Variants in DOCK7 observed in about 807,000 individuals in gnomAD.
DOCK7 encodes dedicator of cytokinesis protein 7.
A neutral mutation model predicts 271.0 loss-of-function variants in DOCK7; 138 were observed. The ratio of observed to expected loss-of-function variants is 0.51; its 90% CI spans 0.44 to 0.59. DOCK7 has a LOEUF of 0.59. DOCK7 is among the 20% of genes least tolerant of loss of function. The pLI, the probability that DOCK7 is intolerant of heterozygous loss-of-function variation, is 0.00. For synonymous variants in DOCK7, 823 were observed against 876.1 expected, an observed-to-expected ratio of 0.94 and a Z score of 1.07; for missense variants, 2,066 against 2,592.4, an observed-to-expected ratio of 0.80 and a Z score of 4.41.
intron 35 of DOCK7, 123 bp downstream of exon 35, chr1:62,507,839 C>T (rs1036861628): frequency 9.7e-6 from 8 of 828,570 alleles, no homozygotes; most frequent in South Asian, 5.0e-5. Flanking sequence ...ATGCTTGGAA[C>T]GAAACTTTTA....
At chr1:62,552,350 A>G (rs1645935784) in intron 22 of DOCK7, among the ~76,000 whole-genome samples, 1 of 152,134 alleles carries the variant, frequency 6.6e-6, no homozygotes, top group Non-Finnish European at 1.5e-5. Flanking sequence ...ACTCTTCTGG[A>G]TATTTTTTGG....
intron 31 of DOCK7, among the ~76,000 whole-genome samples, chr1:62,519,172 A>T (rs1426821425): frequency 6.6e-6 from 1 of 152,196 alleles, no homozygotes; most frequent in Non-Finnish European, 1.5e-5. Flanking sequence ...AAAATCTGAC[A>T]GAATGACAAG....
intron 11 of DOCK7, chr1:62,629,477 CA>C (rs1654353247): frequency 6.6e-6 from 1 of 152,062 alleles, no homozygotes; most frequent in African/African-American, 2.4e-5. Flanking sequence ...AAGCTAGCCA[CA>C]AAAGACTACA....
chr1:62,635,522 C>A (rs1209778931), intron 8 of DOCK7: 2 of 137,260 alleles, frequency 1.5e-5, no homozygotes, highest in South Asian at 2.4e-4. Flanking sequence ...GGCAAAAGAG[C>A]AAGACTCAAT....
At chr1:62,634,996 T>G (rs1390220752) in intron 8 of DOCK7, 74 bp from the exon 9 acceptor site, 4 of 959,878 alleles carry the variant, frequency 4.2e-6, no homozygotes, top group Non-Finnish European at 6.0e-6. Context: ...GAAAGCTGCT[T>G]CTGCTACTTA....
At chr1:62,597,885 C>T (rs1391270589) in intron 14 of DOCK7, 4 of 1,575,152 alleles carry the variant, frequency 2.5e-6, no homozygotes, top group Non-Finnish European at 3.4e-6. Context: ...ATATAAACTA[C>T]AAGTCAAAAA....
intron 18 of DOCK7, among the ~76,000 whole-genome samples, chr1:62,569,837 T>C (rs986211288): frequency 6.6e-6 from 1 of 151,380 alleles, no homozygotes; most frequent in African/African-American, 2.4e-5. Flanking sequence ...CCTCAGCCTC[T>C]CTAGTAGCTG....
At chr1:62,465,186 T>C (rs1266818002) in intron 48 of DOCK7, among the ~76,000 whole-genome samples, 1 of 152,240 alleles carries the variant, frequency 6.6e-6, no homozygotes, top group Non-Finnish European at 1.5e-5. Flanking sequence ...TAAAATGCCA[T>C]GTGATGCTAC....
chr1:62,571,521 A>G (rs1004580639), intron 18 of DOCK7, among the ~76,000 whole-genome samples: 5 of 152,186 alleles, frequency 3.3e-5, no homozygotes, highest in African/African-American at 1.2e-4. Context: ...AGAACCAGAA[A>G]TACCATTCGA....
chr1:62,601,190 C>T, intron 14 of DOCK7: 1 of 1,594,020 alleles, frequency 6.3e-7, no homozygotes, highest in South Asian at 1.1e-5. Context: ...AAATGTAAAA[C>T]ATGATGGTAA....
At chr1:62,568,275 C>G (rs1646592834) in intron 18 of DOCK7, among the ~76,000 whole-genome samples, 1 of 151,754 alleles carries the variant, frequency 6.6e-6, no homozygotes, top group African/African-American at 2.4e-5. Context: ...ATTTATAGCA[C>G]TAAAATGCCC....
rs117635159 is a variant in DOCK7, at chr1:62,464,096, G to A, written c.6213-6391C>T. On this transcript the variant is annotated intron_variant, in intron 48 of 49. Transcript: ENST00000635253. ...TTTTTTTGAGCCGGAGTCTCGCTCT[G>A]TCACCCAGTCTGGAGCACAGTGGTG... Among the ~76,000 whole-genome samples the A allele has an allele frequency of 6.0e-3, 916 of 151,990 alleles. 11 individuals are homozygous for A. Among genetic ancestry groups the A allele is most frequent in the East Asian group, 0.046 (234 of 5,112 alleles).
At chr1:62,552,942 A>G in intron 21 of DOCK7, 41 bp from the exon 22 acceptor site, 2 of 1,389,740 alleles carry the variant, frequency 1.4e-6, no homozygotes, top group Admixed American at 2.4e-5. Flanking sequence ...AAAGAAAATT[A>G]GTCAGGAAAG....
chr1:62,456,359 C>A (rs1279113675), intron 49 of DOCK7, among the ~76,000 whole-genome samples: 1 of 152,100 alleles, frequency 6.6e-6, no homozygotes, highest in Non-Finnish European at 1.5e-5. Context: ...TCCTGGAATA[C>A]TCTTAACATA....
intron 22 of DOCK7, among the ~76,000 whole-genome samples, chr1:62,548,487 CT>C (rs1189890184): frequency 1.3e-5 from 2 of 148,956 alleles, no homozygotes; most frequent in African/African-American, 4.9e-5. Context: ...ATGGCGCGAT[CT>C]TGGCTCACCA....
At chr1:62,617,210 AATTG>A (rs1214510806) in intron 14 of DOCK7, among the ~76,000 whole-genome samples, 1 of 151,910 alleles carries the variant, frequency 6.6e-6, no homozygotes, top group African/African-American at 2.4e-5. Flanking sequence ...GGGAGGAAAT[AATTG>A]ATTGTTGATG....
At chr1:62,593,101 A>C (rs1329645582) in intron 14 of DOCK7, among the ~76,000 whole-genome samples, 1 of 152,176 alleles carries the variant, frequency 6.6e-6, no homozygotes, top group African/African-American at 2.4e-5. Flanking sequence ...AAGATCCTGA[A>C]TGATATATAT....
At chr1:62,631,698 G>T (rs1055118231) in intron 10 of DOCK7, among the ~76,000 whole-genome samples, 2 of 152,248 alleles carry the variant, frequency 1.3e-5, no homozygotes, top group South Asian at 2.1e-4. Flanking sequence ...TCCAAGTATT[G>T]TTTTAGGAAG....
At chr1:62,688,178 G>A in intron 1 of DOCK7, 49 bp downstream of exon 1, 1 of 1,348,854 alleles carries the variant, frequency 7.4e-7, no homozygotes, top group South Asian at 1.7e-5. Flanking sequence ...AGGACTCCGC[G>A]GCTCTTTCTC....
Sources: gnomAD v4.1 joint callset for allele counts (sites outside exome capture counted in the v4.1 genomes callset) on GRCh38, gnomAD v4.1.1 for gene constraint, MANE v1.5 for transcripts, NCBI Gene and HGNC (gene_info 2026-07-23, HGNC 2026-07-21) for gene names.